The following SH3BGRL variants were observed in gnomAD, a reference collection of about 807,000 sequenced individuals.
The protein encoded by SH3BGRL is SH3 domain binding glutamate rich protein like.
SH3BGRL carries 7 observed loss-of-function variants against 9.8 expected under a neutral mutation model. The ratio of observed to expected loss-of-function variants is 0.72; its 90% CI spans 0.41 to 1.35. The LOEUF (loss-of-function observed/expected upper bound fraction) is 1.35. Among genes scored for constraint, SH3BGRL ranks in the 40% most tolerant of loss-of-function variants. The probability of loss-of-function intolerance (pLI) is 0.01; values close to 1 mark genes in which losing one functional copy is unlikely to be tolerated. For synonymous variants in SH3BGRL, 36 were observed against 29.1 expected, an observed-to-expected ratio of 1.24 and a Z score of -0.76; for missense variants, 73 against 84.4, an observed-to-expected ratio of 0.86 and a Z score of 0.53.
At chrX:81,233,100 A>G in intron 1 of SH3BGRL, among the ~76,000 whole-genome samples, 1 of 111,524 alleles carries the variant, frequency 9.0e-6, no homozygotes, top group Non-Finnish European at 1.9e-5. Flanking sequence ...TTTTCTGAGT[A>G]TGAAAGTGGA....
At chrX:81,262,474 C>G (rs190766653) in intron 1 of SH3BGRL, among the ~76,000 whole-genome samples, 79 of 111,356 alleles carry the variant, frequency 7.1e-4, no homozygotes, top group African/African-American at 2.3e-3. Flanking sequence ...TTAACCAGGG[C>G]CCCTGAAAAC....
At chrX:81,233,939 C>G (rs868537541) in intron 1 of SH3BGRL, among the ~76,000 whole-genome samples, 1 of 111,894 alleles carries the variant, frequency 8.9e-6, no homozygotes, top group African/African-American at 3.2e-5. Context: ...TGCTTTTATA[C>G]TTTCCTCATT....
chrX:81,253,038 T>A (rs1260965165), intron 1 of SH3BGRL, among the ~76,000 whole-genome samples: 3 of 112,349 alleles, frequency 2.7e-5, no homozygotes, highest in African/African-American at 9.7e-5. Flanking sequence ...ACTATTAGAT[T>A]TATGTCAATA....
chrX:81,255,901 T>A (rs1416759863), intron 1 of SH3BGRL, among the ~76,000 whole-genome samples: 1 of 112,342 alleles, frequency 8.9e-6, no homozygotes, highest in Admixed American at 9.4e-5. Context: ...AAATAGCTTT[T>A]TTTCCCATTG....
chrX:81,270,937 A>G (rs2075776783), intron 1 of SH3BGRL, among the ~76,000 whole-genome samples: 1 of 111,520 alleles, frequency 9.0e-6, no homozygotes, highest in Non-Finnish European at 1.9e-5. Context: ...GGAACTGCCT[A>G]CTCAATCCTC....
chrX:81,251,469 G>A (rs2075710498), intron 1 of SH3BGRL, among the ~76,000 whole-genome samples: 1 of 108,803 alleles, frequency 9.2e-6, no homozygotes, highest in African/African-American at 3.3e-5. Flanking sequence ...TGTATAATAT[G>A]GTGGTAAAGA....
intron 1 of SH3BGRL, among the ~76,000 whole-genome samples, chrX:81,224,833 A>G (rs982664498): frequency 9.0e-6 from 1 of 111,168 alleles, no homozygotes; most frequent in South Asian, 3.8e-4. Flanking sequence ...GTTTTTGTCA[A>G]TAGTCTTTTC....
At chrX:81,278,480 T>G in intron 3 of SH3BGRL, 69 bp downstream of exon 3, 1 of 710,731 alleles carries the variant, frequency 1.4e-6, no homozygotes, top group East Asian at 3.5e-5. Context: ...ATCAGTAAGA[T>G]TTTCATTTTT....
intron 1 of SH3BGRL, among the ~76,000 whole-genome samples, chrX:81,247,457 CTT>C (rs1306027637): frequency 9.0e-6 from 1 of 111,404 alleles, no homozygotes; most frequent in Non-Finnish European, 1.9e-5. Context: ...ATAGATGACT[CTT>C]TTTATTTTGA....
intron 1 of SH3BGRL, among the ~76,000 whole-genome samples, chrX:81,219,272 A>AT (rs1183234112): frequency 1.8e-5 from 2 of 110,241 alleles, no homozygotes; most frequent in Middle Eastern, 4.7e-3. Flanking sequence ...ATATATGTAC[A>AT]TTTTTTCAGT....
chrX:81,237,267 G>GAACTCA (rs1377233548), intron 1 of SH3BGRL: 1 of 333,914 alleles, frequency 3.0e-6, no homozygotes, highest in East Asian at 9.8e-5. Context: ...ACCTTTGTAA[G>GAACTCA]AACTCAAAAT....
intron 1 of SH3BGRL, among the ~76,000 whole-genome samples, chrX:81,247,931 C>CT (rs1167138476): frequency 1.0e-4 from 10 of 97,879 alleles, no homozygotes; most frequent in Non-Finnish European, 1.4e-4. Flanking sequence ...TGGTCCAGGG[C>CT]TTTTTTTTTG....
rs1023158558 is a variant in SH3BGRL, at chrX:81,287,384, A to C, written c.312+8973A>C. Among the ~76,000 whole-genome samples the C allele has an allele frequency of 3.6e-5, 4 of 112,024 alleles. No homozygotes were observed. The South Asian group carries it at 1.1e-3, about 31-fold the overall frequency. On this transcript the variant is annotated intron_variant, in intron 3 of 3. Coordinates refer to ENST00000373212, the MANE Select transcript of SH3BGRL (RefSeq NM_003022.3). ...TTGGAAATTCTAGAAGAAATAGACA[A>C]ATTTCTAGACACGTACAATCAACCA...
Position 81,274,549 on chromosome X carries a change from G to A in SH3BGRL, c.46-2435G>A, listed in dbSNP as rs147108927. 3.5e-3 allele frequency among the ~76,000 whole-genome samples: 382 copies of A among 109,331 alleles called. 1 individual carries two copies. Among genetic ancestry groups the A allele is most frequent in the African/African-American group, 0.012 (358 of 30,014 alleles). 94.9% of individuals were successfully genotyped at this position (109,331 alleles called of 115,157 possible). On this transcript the variant is annotated intron_variant, in intron 1 of 3. Coordinates refer to ENST00000373212, the MANE Select transcript of SH3BGRL (RefSeq NM_003022.3). ...ATCACTTGAAGTGAGCTGAGATCACGCCACTGCACTCTAGCCTGGGCGACA... is the reference window on the plus strand; with the variant it reads ...ATCACTTGAAGTGAGCTGAGATCACACCACTGCACTCTAGCCTGGGCGACA...
At chrX:81,270,147 C>T (rs1174176526) in intron 1 of SH3BGRL, among the ~76,000 whole-genome samples, 1 of 110,815 alleles carries the variant, frequency 9.0e-6, no homozygotes, top group African/African-American at 3.3e-5. Context: ...TTTTATCCTC[C>T]TTGTGATGGG....
intron 1 of SH3BGRL, among the ~76,000 whole-genome samples, chrX:81,244,670 T>A (rs1413576926): frequency 3.6e-5 from 4 of 111,703 alleles, no homozygotes; most frequent in Non-Finnish European, 7.5e-5. Flanking sequence ...TATTATACTT[T>A]TAAGTTCTCA....
chrX:81,237,197 T>G (rs1167528432), intron 1 of SH3BGRL: 1 of 397,663 alleles, frequency 2.5e-6, no homozygotes, highest in Non-Finnish European at 4.3e-6. Flanking sequence ...AACAACTATC[T>G]ACATGCACAC....
chrX:81,209,396 A>AT (rs925449418), intron 1 of SH3BGRL, among the ~76,000 whole-genome samples: 5 of 111,561 alleles, frequency 4.5e-5, no homozygotes, highest in African/African-American at 1.6e-4. Flanking sequence ...TACCTACATT[A>AT]TTTTACTTAA....
At chrX:81,251,594 C>T (rs1208107436) in intron 1 of SH3BGRL, among the ~76,000 whole-genome samples, 2 of 111,389 alleles carry the variant, frequency 1.8e-5, no homozygotes, top group East Asian at 5.6e-4. Context: ...TCATTAATTA[C>T]AATGAGACAC....
Sources: allele counts gnomAD v4.1 joint callset (sites outside exome capture counted in the v4.1 genomes callset), GRCh38; gene constraint gnomAD v4.1.1; transcripts MANE v1.5; gene names NCBI Gene and HGNC (gene_info 2026-07-23, HGNC 2026-07-21).